Variants in DIAPH2 observed in about 807,000 individuals in gnomAD.
DIAPH2 encodes the protein protein diaphanous homolog 2.
Under a neutral mutation model 92.7 loss-of-function variants are expected in DIAPH2, and 35 were observed. That is an observed-to-expected ratio of 0.38 (90% confidence interval 0.29 to 0.50). The LOEUF is 0.50. Among genes scored for constraint, DIAPH2 ranks in the 20% least tolerant of loss-of-function variants. DIAPH2 has a pLI of 0.94. For synonymous variants in DIAPH2, 301 were observed against 280.4 expected (o/e 1.07, Z -0.73); for missense variants, 701 against 819.5 (o/e 0.86, Z 1.77).
chrX:96,824,497 C>T (rs1045712859), intron 4 of DIAPH2, among the ~76,000 whole-genome samples: 4 of 107,775 alleles, frequency 3.7e-5, no homozygotes, highest in African/African-American at 1.3e-4. Flanking sequence ...AAAAAAAAAA[C>T]AAATAAATGC....
chrX:96,931,899 C>A (rs1396498833), intron 10 of DIAPH2, among the ~76,000 whole-genome samples: 2 of 111,342 alleles, frequency 1.8e-5, no homozygotes, highest in African/African-American at 6.5e-5. Context: ...TGAAGCAGTT[C>A]TTTCATTCTT....
At position 97,596,855 on chromosome X, in the gene DIAPH2, G is replaced by A. The variant is rs141578580; in HGVS notation, c.3242-2398G>A. Among the ~76,000 whole-genome samples the A allele has an allele frequency of 4.4e-3, 487 of 111,904 alleles. 3 individuals are homozygous for A. Among genetic ancestry groups the A allele is most frequent in the Middle Eastern group, 0.032 (7 of 216 alleles). On this transcript the variant is annotated intron_variant, in intron 26 of 26. Transcript: ENST00000324765. ...AAACATGACTCCAAACGTGGAAGTC[G>A]TCATCATTAGATTGCTAGCCACTAG...
At chrX:97,349,561 A>G (rs1449931712) in intron 24 of DIAPH2, among the ~76,000 whole-genome samples, 1 of 111,414 alleles carries the variant, frequency 9.0e-6, no homozygotes, top group Non-Finnish European at 1.9e-5. Context: ...GCTTGTGGAA[A>G]TCAAATTGCT....
chrX:97,310,716 T>C (rs190787086), intron 23 of DIAPH2, among the ~76,000 whole-genome samples: 4 of 111,513 alleles, frequency 3.6e-5, no homozygotes, highest in Admixed American at 9.6e-5. Context: ...TAGAAACTTA[T>C]GGATCTGCCG....
chrX:96,850,779 A>G (rs959209891), intron 4 of DIAPH2, among the ~76,000 whole-genome samples: 2 of 109,829 alleles, frequency 1.8e-5, no homozygotes, highest in Non-Finnish European at 3.9e-5. Flanking sequence ...TTCTAATCAT[A>G]GCAATTGCTT....
intron 24 of DIAPH2, among the ~76,000 whole-genome samples, chrX:97,370,848 C>T (rs1361328304): frequency 8.9e-6 from 1 of 111,822 alleles, no homozygotes. Flanking sequence ...TAATTCGGAA[C>T]GAGGAGTTTC....
intron 22 of DIAPH2, among the ~76,000 whole-genome samples, chrX:97,206,763 G>GA (rs1054374333): frequency 9.0e-6 from 1 of 111,526 alleles, no homozygotes; most frequent in Non-Finnish European, 1.9e-5. Flanking sequence ...ATGTTTGACA[G>GA]AAAAAAATCA....
chrX:96,826,556 T>C (rs2064817436), intron 4 of DIAPH2, among the ~76,000 whole-genome samples: 1 of 111,002 alleles, frequency 9.0e-6, no homozygotes, highest in Admixed American at 9.6e-5. Context: ...ATTACCACCC[T>C]TTTACGTTAT....
intron 4 of DIAPH2, among the ~76,000 whole-genome samples, chrX:96,831,873 T>A (rs2064857029): frequency 9.0e-6 from 1 of 111,304 alleles, no homozygotes; most frequent in Admixed American, 9.6e-5. Flanking sequence ...GGCTCCACCA[T>A]ATGGCGAAAG....
At chrX:97,574,498 G>T (rs1295060249) in intron 26 of DIAPH2, among the ~76,000 whole-genome samples, 1 of 110,951 alleles carries the variant, frequency 9.0e-6, no homozygotes, top group Non-Finnish European at 1.9e-5. Flanking sequence ...CAGAGCTCAC[G>T]ATAAAATGGG....
chrX:97,581,146 G>A (rs1602681282), intron 26 of DIAPH2, among the ~76,000 whole-genome samples: 2 of 97,869 alleles, frequency 2.0e-5, no homozygotes, highest in African/African-American at 7.4e-5. Flanking sequence ...ATTTTTTGAA[G>A]GGTTTTTTGT....
intron 25 of DIAPH2, among the ~76,000 whole-genome samples, chrX:97,399,468 A>G (rs772512157): frequency 8.9e-6 from 1 of 112,030 alleles, no homozygotes; most frequent in East Asian, 2.8e-4. Flanking sequence ...TTTGCATGTA[A>G]TGCTTTCATA....
chrX:97,101,159 T>C (rs1018607134), intron 20 of DIAPH2, among the ~76,000 whole-genome samples: 4 of 111,457 alleles, frequency 3.6e-5, no homozygotes, highest in Non-Finnish European at 7.5e-5. Context: ...CATATTATAA[T>C]TGAAGCAAGG....
intron 18 of DIAPH2, among the ~76,000 whole-genome samples, chrX:97,074,943 A>G (rs2066695139): frequency 1.8e-5 from 2 of 112,052 alleles, no homozygotes; most frequent in Admixed American, 9.5e-5. Context: ...TTTTGTGTGT[A>G]AATATGCACT....
chrX:97,142,188 A>G (rs776496454), intron 22 of DIAPH2, among the ~76,000 whole-genome samples: 4 of 111,696 alleles, frequency 3.6e-5, no homozygotes, highest in Non-Finnish European at 1.9e-5. Context: ...ATGTGTGTAT[A>G]TATACATACA....
At chrX:97,572,082 C>CTTT (rs58336391) in intron 26 of DIAPH2, among the ~76,000 whole-genome samples, 1 of 96,813 alleles carries the variant, frequency 1.0e-5, no homozygotes, top group African/African-American at 3.8e-5. Flanking sequence ...CTGTGACTTC[C>CTTT]TTTTTTTTTT....
At chrX:97,450,989 A>C (rs2070354453) in intron 26 of DIAPH2, among the ~76,000 whole-genome samples, 1 of 109,880 alleles carries the variant, frequency 9.1e-6, no homozygotes, top group African/African-American at 3.3e-5. Context: ...CCCAAAAAAG[A>C]GCAAGTTTTG....
At chrX:97,330,349 G>T (rs1467902139) in intron 23 of DIAPH2, among the ~76,000 whole-genome samples, 1 of 109,344 alleles carries the variant, frequency 9.1e-6, no homozygotes, top group Non-Finnish European at 1.9e-5. Flanking sequence ...TCACCCCTCA[G>T]CCCCTGGTAG....
At chrX:96,812,539 T>C (rs1240258368) in intron 4 of DIAPH2, among the ~76,000 whole-genome samples, 2 of 111,692 alleles carry the variant, frequency 1.8e-5, no homozygotes, top group African/African-American at 6.5e-5. Flanking sequence ...GTTCTGATCT[T>C]AGTTATTTCT....
Sources: allele counts gnomAD v4.1 joint callset (sites outside exome capture counted in the v4.1 genomes callset), GRCh38; gene constraint gnomAD v4.1.1; transcripts MANE v1.5; gene names NCBI Gene and HGNC (gene_info 2026-07-23, HGNC 2026-07-21).